MFSD11: variants seen among roughly 807,000 people sequenced by gnomAD.
MFSD11 encodes the protein major facilitator superfamily domain containing 11, also known as UNC93-like protein MFSD11.
A neutral mutation model predicts 53.5 loss-of-function variants in MFSD11; 36 were observed. The observed-to-expected ratio is 0.67, with a 90% CI of 0.52 to 0.89. The LOEUF (loss-of-function observed/expected upper bound fraction) is 0.89. MFSD11 is among the 40% of genes least tolerant of loss of function. The pLI is 0.00. For missense variants in MFSD11, 530 were observed against 543.9 expected (o/e 0.97, Z 0.25); for synonymous variants, 186 against 184.9 (o/e 1.01, Z -0.05).
At chr17:76,769,569 C>G (rs2081199272) in intron 9 of MFSD11, 177 bp from the exon 10 acceptor site, 1 of 495,008 alleles carries the variant, frequency 2.0e-6, no homozygotes, top group Non-Finnish European at 3.5e-6. Flanking sequence ...TAGCATGAAG[C>G]TAATTCCATT....
intron 11 of MFSD11, 38 bp downstream of exon 11, chr17:76,775,209 G>C (rs777747946): frequency 5.0e-6 from 8 of 1,596,598 alleles, no homozygotes; most frequent in African/African-American, 4.0e-5. Flanking sequence ...CTTGAGTACG[G>C]GTGGGAGGTA....
At chr17:76,764,686 TACAC>T (rs35495045) in intron 8 of MFSD11, among the ~76,000 whole-genome samples, 3 of 150,990 alleles carry the variant, frequency 2.0e-5, no homozygotes, top group East Asian at 1.9e-4. Context: ...ATATAATTAA[TACAC>T]ACACACACAC....
intron 8 of MFSD11, among the ~76,000 whole-genome samples, chr17:76,766,430 A>G (rs1244543545): frequency 2.0e-5 from 3 of 151,734 alleles, no homozygotes; most frequent in Non-Finnish European, 2.9e-5. Context: ...AAAAAAAAAA[A>G]AAAAAAGAAA....
At chr17:76,759,946 G>A (rs1161063220) in intron 8 of MFSD11, among the ~76,000 whole-genome samples, 1 of 151,370 alleles carries the variant, frequency 6.6e-6, no homozygotes, top group Admixed American at 6.6e-5. Context: ...TTATAATAAA[G>A]TCAGCTAGAG....
rs993653977 is a variant in MFSD11 at position 76,768,415 on chromosome 17, C to G, written c.748+964C>G. ...CAAGAATGATAAAGAAATTTGTTTTCTTTTAAAAAATGCTGTAATTTGCTA... is the reference window on the plus strand; with the variant it reads ...CAAGAATGATAAAGAAATTTGTTTTGTTTTAAAAAATGCTGTAATTTGCTA... On this transcript the variant is annotated intron_variant, in intron 9 of 12. Coordinates refer to ENST00000685175, the MANE Select transcript of MFSD11 (RefSeq NM_001242532.5). 4.6e-5 allele frequency among the ~76,000 whole-genome samples: 7 copies of G among 150,610 alleles called. No homozygotes were observed. In the Middle Eastern group the frequency reaches 0.01, roughly 223 times the overall value.
chr17:76,743,581 G>C (rs939594056), intron 6 of MFSD11, 125 bp downstream of exon 6: 5 of 529,510 alleles, frequency 9.4e-6, no homozygotes, highest in African/African-American at 7.9e-5. Flanking sequence ...AGTTCTCGCA[G>C]ATTTTAGCTT....
intron 8 of MFSD11, among the ~76,000 whole-genome samples, chr17:76,757,642 A>G (rs1219482880): frequency 1.3e-5 from 2 of 152,214 alleles, no homozygotes; most frequent in Admixed American, 1.3e-4. Flanking sequence ...TAAAGTTTTT[A>G]AACATTGATT....
the MFSD11 span, among the ~76,000 whole-genome samples, chr17:76,792,706 C>T: frequency 6.6e-6 from 1 of 151,384 alleles, no homozygotes; most frequent in African/African-American, 2.5e-5. Flanking sequence ...ATCAGCTCAC[C>T]TTGAGATGGG....
At chr17:76,739,316 A>G (rs1332136857) in intron 2 of MFSD11, among the ~76,000 whole-genome samples, 3 of 152,206 alleles carry the variant, frequency 2.0e-5, no homozygotes, top group Admixed American at 6.5e-5. Context: ...TAAGCACTCT[A>G]GTATTGTCAT....
chr17:76,748,890 CCCTCTCTCCCACCCTCCCTT>C (rs1270554242), intron 7 of MFSD11, among the ~76,000 whole-genome samples: 1 of 152,044 alleles, frequency 6.6e-6, no homozygotes, highest in Non-Finnish European at 1.5e-5. Flanking sequence ...TCTTTCCCTT[CCCTCTCTCCCACCCTCCCTT>C]CCTCTCTCCC....
At position 76,760,667 on chromosome 17, in the gene MFSD11, AT is replaced by A. The variant is rs542017521; in HGVS notation, c.682+6582del. Among the ~76,000 whole-genome samples, 516 of 151,900 alleles carry A rather than the reference AT, an allele frequency of 3.4e-3. 2 individuals carry two copies. Among genetic ancestry groups the A allele is most frequent in the African/African-American group, 0.012 (479 of 41,464 alleles). On this transcript the variant is annotated intron_variant, in intron 8 of 12. Coordinates refer to ENST00000685175, the MANE Select transcript of MFSD11 (RefSeq NM_001242532.5). ...TGCCTCAGGCTCCTGAGTAGCTGGGATTACAGGTGAATGCCACCACACCTGG... is the reference window on the plus strand; with the variant it reads ...TGCCTCAGGCTCCTGAGTAGCTGGGATACAGGTGAATGCCACCACACCTGG...
intron 2 of MFSD11, 68 bp downstream of exon 2, chr17:76,739,061 C>T (rs1240722661): frequency 1.7e-6 from 2 of 1,194,700 alleles, no homozygotes; most frequent in African/African-American, 1.5e-5. Context: ...TCAGAATCAC[C>T]AGCAATAGAA....
downstream of MFSD11, among the ~76,000 whole-genome samples, chr17:76,786,087 A>C (rs569286383): frequency 0.056 from 8,479 of 150,216 alleles, 920 homozygotes; most frequent in African/African-American, 0.2. Context: ...AAAAAAAAAA[A>C]AAAAACAGAG....
Position 76,739,836 on chromosome 17 carries a change from C to A in MFSD11, c.152+843C>A, listed in dbSNP as rs538407930. ...TCATTTTTGTAAGTGATTAGTAGCA[C>A]AGCTTTTTCTACTTTTTTGTCTTCA... On this transcript the variant is annotated intron_variant, in intron 2 of 12. Coordinates refer to ENST00000685175, the MANE Select transcript of MFSD11 (RefSeq NM_001242532.5). 2.4e-3 allele frequency among the ~76,000 whole-genome samples: 371 copies of A among 152,232 alleles called. 3 individuals carry two copies. The highest frequency in any genetic ancestry group is 4.4e-3 in the Non-Finnish European group (297 of 68,014).
chr17:76,754,256 G>C (rs1478730923), intron 8 of MFSD11, 169 bp downstream of exon 8: 2 of 568,338 alleles, frequency 3.5e-6, no homozygotes, highest in Non-Finnish European at 3.1e-6. Flanking sequence ...TCTCTAACAT[G>C]GGGGTTGTGA....
chr17:76,800,803 G>C, the MFSD11 span, among the ~76,000 whole-genome samples: 7 of 152,112 alleles, frequency 4.6e-5, no homozygotes, highest in South Asian at 1.5e-3. Flanking sequence ...CAGACTGGGT[G>C]CAGTGGCTCA....
rs765487710 is a variant in MFSD11, at chr17:76,754,050, T to G, written c.645T>G (p.Ser215=). ...SDDQDMEVNE[S]AQNNLTKAVD... is the part of the protein sequence containing the mutation. The stretch of plus-strand genomic sequence containing the variant: ...TTTTTACATTTTATTTTCTCAGGTC[T>G]GCCCAGAACAATCTGACAAAGGCAG... The change falls in exon 8 of 13, where the codon TCT becomes TCG. Residue 215 remains serine (S), a synonymous_variant. Transcript: ENST00000685175. 2.5e-6 allele frequency: 4 copies of G among 1,611,368 alleles called. No homozygotes were observed. Among genetic ancestry groups the G allele is most frequent in the Non-Finnish European group, 3.4e-6 (4 of 1,178,466 alleles).
chr17:76,744,519 T>C, intron 7 of MFSD11, 53 bp downstream of exon 7: 1 of 1,527,390 alleles, frequency 6.5e-7, no homozygotes, highest in Non-Finnish European at 8.9e-7. Flanking sequence ...TGAGTAGATC[T>C]AGTCTAGAGA....
chr17:76,784,317 T>C (rs1344324189), downstream of MFSD11, among the ~76,000 whole-genome samples: 1 of 149,824 alleles, frequency 6.7e-6, no homozygotes, highest in Non-Finnish European at 1.5e-5. Flanking sequence ...AGGCAGATCA[T>C]GAGGTCAAGA....
Sources: gnomAD v4.1 joint callset for allele counts (sites outside exome capture counted in the v4.1 genomes callset) on GRCh38, gnomAD v4.1.1 for gene constraint, MANE v1.5 for transcripts, NCBI Gene and HGNC (gene_info 2026-07-23, HGNC 2026-07-21) for gene names.